The following VIPR2 variants were observed in gnomAD, a reference collection of about 807,000 sequenced individuals.
VIPR2 encodes vasoactive intestinal polypeptide receptor 2.
A neutral mutation model predicts 58.0 loss-of-function variants in VIPR2; 48 were observed. The observed-to-expected ratio is 0.83, with a 90% CI of 0.66 to 1.05. The LOEUF is 1.05. Among genes scored for constraint, VIPR2 ranks in the 50% least tolerant of loss-of-function variants. The probability of loss-of-function intolerance (pLI) is 0.00; values close to 1 mark genes in which losing one functional copy is unlikely to be tolerated. For missense variants in VIPR2, 534 were observed against 558.0 expected (o/e 0.96, Z 0.43); for synonymous variants, 243 against 235.2 (o/e 1.03, Z -0.30).
intron 4 of VIPR2, among the ~76,000 whole-genome samples, chr7:159,078,418 G>A (rs967829489): frequency 3.3e-5 from 5 of 152,132 alleles, no homozygotes; most frequent in Non-Finnish European, 7.3e-5. Flanking sequence ...CTTGTCTTAG[G>A]TAATCATGAC....
At position 159,072,619 on chromosome 7, in the gene VIPR2, G is replaced by A. The variant is rs558186220; in HGVS notation, c.358-14041C>T. ...AAAGTTACCTCCTTCCTGGACGACA[G>A]GCCCATGAGGCCCTGGGCCTTGGTT... On this transcript the variant is annotated intron_variant, in intron 4 of 12. Coordinates refer to ENST00000262178, the MANE Select transcript of VIPR2 (RefSeq NM_003382.5). Among the ~76,000 whole-genome samples the A allele has an allele frequency of 5.3e-5, 8 of 152,290 alleles. No homozygotes were observed. The South Asian group carries it at 1.0e-3, about 20-fold the overall frequency.
At chr7:159,142,257 G>C (rs1018226041) in intron 2 of VIPR2, among the ~76,000 whole-genome samples, 189 bp downstream of exon 2, 1 of 152,104 alleles carries the variant, frequency 6.6e-6, no homozygotes. Flanking sequence ...AAAGGTGTGT[G>C]TGAAGACCCT....
chr7:159,074,243 C>G lies in VIPR2; in HGVS notation c.358-15665G>C, dbSNP rs147948772. On this transcript the variant is annotated intron_variant, in intron 4 of 12. Transcript: ENST00000262178. The stretch of plus-strand genomic sequence containing the variant: ...GTAAAATATCTAGGAATAAACTGAG[C>G]GGAAAATGTTCTGGGCCTAAAGTGA... 1.4e-4 allele frequency among the ~76,000 whole-genome samples: 21 copies of G among 152,216 alleles called. No homozygotes were observed. In the East Asian group the frequency reaches 3.9e-3, roughly 28 times the overall value.
rs78625053 is a variant in VIPR2 at position 159,028,242 on chromosome 7, C to T, written c.*2374G>A. The T allele has an allele frequency of 0.045, 6,864 of 154,078 alleles. 361 individuals carry two copies. The highest frequency in any genetic ancestry group is 0.15 in the East Asian group (820 of 5,384). 9.5% of individuals were successfully genotyped at this position (154,078 alleles called of 1,614,324 possible). ...CATTCCCGCCACGTGGAGGAGTCTG[C>T]GACATTCCACACACAATGACAGTTA... On this transcript the variant is annotated 3_prime_UTR_variant, in exon 13 of 13. Coordinates refer to ENST00000262178, the MANE Select transcript of VIPR2 (RefSeq NM_003382.5).
At chr7:159,075,528 C>T (rs1459887169) in intron 4 of VIPR2, among the ~76,000 whole-genome samples, 1 of 152,250 alleles carries the variant, frequency 6.6e-6, no homozygotes, top group African/African-American at 2.4e-5. Context: ...AAGAAGACCC[C>T]TGATGAGGGT....
At chr7:159,114,142 G>A (rs770809181) in intron 2 of VIPR2, among the ~76,000 whole-genome samples, 10 of 152,200 alleles carry the variant, frequency 6.6e-5, no homozygotes, top group Non-Finnish European at 8.8e-5. Context: ...AATAGTGCAT[G>A]AATAGGTCAT....
At chr7:159,077,800 G>GT (rs1335019515) in intron 4 of VIPR2, among the ~76,000 whole-genome samples, 1 of 152,118 alleles carries the variant, frequency 6.6e-6, no homozygotes, top group African/African-American at 2.4e-5. Context: ...AGGTACTAAG[G>GT]TGTACCTGTT....
At chr7:159,040,318 C>T (rs572342456) in intron 6 of VIPR2, among the ~76,000 whole-genome samples, 2 of 152,242 alleles carry the variant, frequency 1.3e-5, no homozygotes, top group Non-Finnish European at 2.9e-5. Context: ...ACAGCTGGTC[C>T]CTCCTCAGCC....
At chr7:159,129,003 C>T (rs1304647251) in intron 2 of VIPR2, among the ~76,000 whole-genome samples, 4 of 152,248 alleles carry the variant, frequency 2.6e-5, no homozygotes, top group South Asian at 2.1e-4. Context: ...TCCCACAGCA[C>T]ATTTTGGTGC....
chr7:159,043,797 GA>G, intron 5 of VIPR2, among the ~76,000 whole-genome samples: 1 of 152,344 alleles, frequency 6.6e-6, no homozygotes, highest in East Asian at 1.9e-4. Flanking sequence ...CGCGGGCTGA[GA>G]AGTGGTTTTG....
rs797005466 is a variant in VIPR2, at chr7:159,031,345, G to A, written c.1143+483C>T. On this transcript the variant is annotated intron_variant, in intron 12 of 12. Transcript: ENST00000262178. This position sits in a 1 kb window ranked among gnomAD's most constrained non-coding sequence, Gnocchi z 4.0. ...GCGGGAGGGTCAGGGGTCAGGGGAC[G>A]GGGCCAGGCCGTTGGAGCAGCCCGG... The A allele has an allele frequency of 1.2e-4, 96 of 818,826 alleles. No individual in the cohort carries two copies. The highest frequency in any genetic ancestry group is 1.2e-3 in the Middle Eastern group (2 of 1,668). 50.7% of individuals were successfully genotyped at this position (818,826 alleles called of 1,614,324 possible). A position where few individuals can be genotyped will look rare whatever the true frequency, so the allele number is the denominator to read the frequency against.
chr7:159,120,312 G>C (rs1796409017), intron 2 of VIPR2, among the ~76,000 whole-genome samples: 1 of 152,156 alleles, frequency 6.6e-6, no homozygotes. Context: ...CTGGTGCAGA[G>C]GGTCGTCCAG....
chr7:159,063,435 GCGGGGCCTA>G (rs1855842046), intron 4 of VIPR2, among the ~76,000 whole-genome samples: 1 of 152,018 alleles, frequency 6.6e-6, no homozygotes, highest in African/African-American at 2.4e-5. Context: ...CGCTCCAAGT[GCGGGGCCTA>G]CCGAGCCCAC....
chr7:159,096,500 G>A lies in VIPR2; in HGVS notation c.357+7257C>T, dbSNP rs138022714. On this transcript the variant is annotated intron_variant, in intron 4 of 12. Transcript: ENST00000262178. The surrounding 1 kb of genome is among the most constrained non-coding windows in gnomAD (Gnocchi z 5.5). Reference sequence around the variant, plus strand: ...TTCACCTTCATCTCCCTCCCATTAGGAGAATCTTCCCTAGCGGATTCCTTT... The same window carrying A: ...TTCACCTTCATCTCCCTCCCATTAGAAGAATCTTCCCTAGCGGATTCCTTT... Among the ~76,000 whole-genome samples the A allele has an allele frequency of 1.3e-5, 2 of 152,232 alleles. No individual in the cohort carries two copies. The highest frequency in any genetic ancestry group is 2.9e-5 in the Non-Finnish European group (2 of 68,010).
intron 6 of VIPR2, among the ~76,000 whole-genome samples, chr7:159,042,651 C>A (rs148262573): frequency 6.6e-6 from 1 of 152,236 alleles, no homozygotes; most frequent in Non-Finnish European, 1.5e-5. Context: ...GCCTTTACTG[C>A]TCAGAATCTA....
At chr7:159,091,046 C>T (rs1228714059) in intron 4 of VIPR2, among the ~76,000 whole-genome samples, 2 of 151,128 alleles carry the variant, frequency 1.3e-5, no homozygotes, top group African/African-American at 4.9e-5. Flanking sequence ...CTCTTGTGAC[C>T]ATCACAATCT....
intron 4 of VIPR2, among the ~76,000 whole-genome samples, chr7:159,069,301 C>T (rs1376828729): frequency 1.3e-5 from 2 of 152,174 alleles, no homozygotes; most frequent in African/African-American, 4.8e-5. Context: ...GTGAGGGTTG[C>T]TGGCTGGGGA....
At position 159,089,745 on chromosome 7, in the gene VIPR2, A is replaced by T. The variant is rs112870542; in HGVS notation, c.357+14012T>A. ...AAAAACCTGTCCCAATGTCACAAAA[A>T]GTGCACGGGACCCTAACAACTAATA... On this transcript the variant is annotated intron_variant, in intron 4 of 12. Transcript: ENST00000262178. Among the ~76,000 whole-genome samples the T allele has an allele frequency of 7.0e-3, 1,074 of 152,374 alleles. 6 individuals are homozygous for T. The highest frequency in any genetic ancestry group is 0.025 in the African/African-American group (1,031 of 41,586).
chr7:159,094,496 C>T (rs1857704414), intron 4 of VIPR2, among the ~76,000 whole-genome samples: 2 of 152,226 alleles, frequency 1.3e-5, no homozygotes, highest in African/African-American at 4.8e-5. Context: ...CGTGCACAGG[C>T]ACCGGAGACA....
Sources: allele counts gnomAD v4.1 joint callset (sites outside exome capture counted in the v4.1 genomes callset), GRCh38; gene constraint gnomAD v4.1.1; non-coding constraint Gnocchi (gnomAD v3.1); transcripts MANE v1.5; gene names NCBI Gene and HGNC (gene_info 2026-07-23, HGNC 2026-07-21).